MYO7A: variants seen among roughly 807,000 people sequenced by gnomAD.
MYO7A encodes myosin VIIA.
MYO7A carries 210 observed loss-of-function variants against 263.8 expected under a neutral mutation model. The observed-to-expected ratio is 0.80, with a 90% CI of 0.71 to 0.89. The LOEUF (loss-of-function observed/expected upper bound fraction) is 0.89. MYO7A is among the 40% of genes least tolerant of loss of function. The pLI, the probability that MYO7A is intolerant of heterozygous loss-of-function variation, is 0.00. For synonymous variants in MYO7A, 1,239 were observed against 1,197.3 expected (o/e 1.03, Z -0.72); for missense variants, 2,820 against 2,968.3 (o/e 0.95, Z 1.16).
chr11:77,206,099 ACGGGTCC>A lies in MYO7A; in HGVS notation c.5643_5649del (p.Arg1883ThrfsTer85). 6.2e-7 allele frequency: 1 copy of A among 1,610,632 alleles called. No individual in the cohort carries two copies. The highest frequency in any genetic ancestry group is 8.5e-7 in the Non-Finnish European group (1 of 1,178,640). Reference sequence around the variant, plus strand: ...TGCTGCCCCTGCTGCCTTTTCAGAAACGGGTCCCGGAAGTACCCTCCGCACCTGGTGG... The same window carrying A: ...TGCTGCCCCTGCTGCCTTTTCAGAAACGGAAGTACCCTCCGCACCTGGTGG... On this transcript the variant is annotated frameshift_variant, in exon 41 of 49. Transcript: ENST00000409709. LOFTEE classifies it high-confidence loss of function.
intron 46 of MYO7A, chr11:77,212,701 T>C: frequency 1.8e-6 from 1 of 564,692 alleles, no homozygotes; most frequent in South Asian, 2.1e-5. Flanking sequence ...GGAGGCTTTT[T>C]AAAGATGGGA....
chr11:77,141,839 G>T (rs1951228977), intron 2 of MYO7A, among the ~76,000 whole-genome samples: 1 of 152,142 alleles, frequency 6.6e-6, no homozygotes, highest in Admixed American at 6.5e-5. Flanking sequence ...TCCACCATTG[G>T]CTTGTTTGTT....
intron 40 of MYO7A, among the ~76,000 whole-genome samples, 191 bp downstream of exon 40, chr11:77,205,808 C>T (rs989158794): frequency 2.0e-5 from 3 of 152,118 alleles, no homozygotes; most frequent in Non-Finnish European, 2.9e-5. Context: ...TCCGGCTGCT[C>T]GGGAGTGCTC....
At chr11:77,168,650 C>G (rs190260655) in intron 15 of MYO7A, among the ~76,000 whole-genome samples, 85 of 152,244 alleles carry the variant, frequency 5.6e-4, no homozygotes, top group African/African-American at 1.9e-3. Flanking sequence ...TTAAAATTAG[C>G]TGAACATGGG....
At chr11:77,211,745 T>C (rs147171777) in intron 45 of MYO7A, 76 bp from the exon 46 acceptor site, 256 of 1,171,460 alleles carry the variant, frequency 2.2e-4, no homozygotes, top group Non-Finnish European at 3.0e-4. Context: ...GGGAGGACTC[T>C]GAGCTCTGAG....
In MYO7A at chr11:77,160,619, G is replaced by A. The variant is rs143034758; in HGVS notation, c.1200+337G>A. On this transcript the variant is annotated intron_variant, in intron 11 of 48. Transcript: ENST00000409709. ...TACAACCACACGTTTGCCATTCATC[G>A]AGCCTTCACCCACCACACCAGGCCC... Among the ~76,000 whole-genome samples, 92 of 152,190 alleles carry A rather than the reference G, an allele frequency of 6.0e-4. No individual in the cohort carries two copies. The East Asian group carries it at 0.017, about 28-fold the overall frequency.
At chr11:77,166,379 C>T (rs1953546998) in intron 15 of MYO7A, among the ~76,000 whole-genome samples, 1 of 152,150 alleles carries the variant, frequency 6.6e-6, no homozygotes, top group African/African-American at 2.4e-5. Flanking sequence ...GGGTGCAAGG[C>T]CCAGAGAAGG....
At chr11:77,128,782 T>G (rs1286637963) in intron 1 of MYO7A, among the ~76,000 whole-genome samples, 1 of 152,174 alleles carries the variant, frequency 6.6e-6, no homozygotes, top group Non-Finnish European at 1.5e-5. Flanking sequence ...GGAATAGACA[T>G]GCTGTGGTGG....
Position 77,199,660 on chromosome 11 carries a change from C to T in MYO7A, c.4694C>T (p.Thr1565Met), listed in dbSNP as rs764915160. Residue 1565 changes from threonine (T) to methionine (M), a missense_variant, in exon 35 of 49, where the codon ACG becomes ATG. Transcript: ENST00000409709. Reference protein sequence around the residue: ...SPCWSCRGAKTTAPSFTLATI... With the variant: ...SPCWSCRGAKMTAPSFTLATI... ...TGTTGGTCCTGCAGGGGAGCGAAAACGACGGCCCCCAGCTTCACGCTGGCC... is the reference window on the plus strand; with the variant it reads ...TGTTGGTCCTGCAGGGGAGCGAAAATGACGGCCCCCAGCTTCACGCTGGCC... 80 of 1,612,816 alleles carry T rather than the reference C, an allele frequency of 5.0e-5. No individual in the cohort carries two copies. In the Admixed American group the frequency reaches 1.2e-3, roughly 24 times the overall value.
chr11:77,208,780 G>A lies in MYO7A; in HGVS notation c.6028G>A (p.Asp2010Asn), dbSNP rs755934966. 16 of 1,570,436 alleles carry A rather than the reference G, an allele frequency of 1.0e-5. No homozygotes were observed. The African/African-American group carries it at 1.4e-4, about 13-fold the overall frequency. ...GGTGCCAGGGAAGGATCCCATGGCCGATTCCATCTTCCACTATTACCAGGT... is the reference window on the plus strand; with the variant it reads ...GGTGCCAGGGAAGGATCCCATGGCCAATTCCATCTTCCACTATTACCAGGT... The part of the protein sequence containing the change: ...TTVPGKDPMA[D>N]SIFHYYQELP... Residue 2010 changes from aspartate (D) to asparagine (N), a missense_variant, in exon 44 of 49, where the codon GAT becomes AAT. Physicochemically the swap from Asp to Asn is conservative, Grantham distance 23 (BLOSUM62 1). Coordinates refer to ENST00000409709, the MANE Select transcript of MYO7A (RefSeq NM_000260.4).
rs771842044 is a variant in MYO7A at position 77,201,473 on chromosome 11, C to G, written c.4878C>G (p.Ser1626Arg). The G allele has an allele frequency of 6.2e-6, 10 of 1,613,942 alleles. No homozygotes were observed. In the South Asian group the frequency reaches 1.1e-4, roughly 18 times the overall value. ...NPAGEESGFL[S>R]FAKGDLIILD... Reference sequence around the variant, plus strand: ...CAGGCGAGGAGTCAGGCTTCCTCAGCTTTGCCAAGGGAGACCTCATCATCC... The same window carrying G: ...CAGGCGAGGAGTCAGGCTTCCTCAGGTTTGCCAAGGGAGACCTCATCATCC... Residue 1626 changes from serine to arginine, a missense_variant, in exon 36 of 49, where the codon AGC (serine) becomes AGG (arginine). By Grantham distance (110) the Ser-to-Arg change is moderately radical. Coordinates refer to ENST00000409709, the MANE Select transcript of MYO7A (RefSeq NM_000260.4).
chr11:77,158,406 C>T lies in MYO7A; in HGVS notation c.979C>T (p.His327Tyr). The T allele has an allele frequency of 1.9e-6, 3 of 1,612,530 alleles. No individual in the cohort carries two copies. Among genetic ancestry groups the T allele is most frequent in the Non-Finnish European group, 2.5e-6 (3 of 1,179,734 alleles). ...EISKLLAAIL[H>Y]LGNLQYEART... ...CTCGAAGCTCCTGGCTGCCATCCTG[C>T]ACCTGGGCAACCTGCAGTATGAGGG... Residue 327 changes from histidine to tyrosine, a missense_variant, in exon 9 of 49, where the codon CAC (histidine) becomes TAC (tyrosine). His to Tyr is a moderately conservative substitution (Grantham distance 83). Coordinates refer to ENST00000409709, the MANE Select transcript of MYO7A (RefSeq NM_000260.4).
At chr11:77,167,196 CT>C (rs1236247136) in intron 15 of MYO7A, among the ~76,000 whole-genome samples, 1 of 152,094 alleles carries the variant, frequency 6.6e-6, no homozygotes, top group Non-Finnish European at 1.5e-5. Flanking sequence ...GCAGGCATTT[CT>C]TTCTTCAAGG....
At chr11:77,160,309 C>T (rs1262904290) in intron 11 of MYO7A, 27 bp downstream of exon 11, 6 of 1,545,674 alleles carry the variant, frequency 3.9e-6, no homozygotes, top group Non-Finnish European at 5.2e-6. Flanking sequence ...GGGCCGCTTG[C>T]TCGCCCTACC....
Position 77,147,963 on chromosome 11 carries a change from C to T in MYO7A, c.285+13C>T, listed in dbSNP as rs541466560. Reference sequence around the variant, plus strand: ...CCACCTCATCTACGTGAGTGCCGCCCCGCCCGGTGCCCGTCCAGGCCCCCT... The same window carrying T: ...CCACCTCATCTACGTGAGTGCCGCCTCGCCCGGTGCCCGTCCAGGCCCCCT... On this transcript the variant is annotated intron_variant, in intron 4 of 48. Coordinates refer to ENST00000409709, the MANE Select transcript of MYO7A (RefSeq NM_000260.4). 3 of 1,532,758 alleles carry T rather than the reference C, an allele frequency of 2.0e-6. No individual in the cohort carries two copies. The highest frequency in any genetic ancestry group is 1.4e-5 in the African/African-American group (1 of 72,646). 94.9% of individuals were successfully genotyped at this position (1,532,758 alleles called of 1,614,324 possible). A position where few individuals can be genotyped will look rare whatever the true frequency, so the allele number is the denominator to read the frequency against.
intron 15 of MYO7A, among the ~76,000 whole-genome samples, chr11:77,167,997 A>T (rs1953716874): frequency 1.3e-5 from 2 of 152,156 alleles, no homozygotes; most frequent in South Asian, 4.1e-4. Context: ...CCCACCCGAA[A>T]GCCCTGTGCT....
Position 77,208,702 on chromosome 11 carries a change from G to T in MYO7A, c.5950G>T (p.Val1984Leu), listed in dbSNP as rs377517717. 7 of 1,582,108 alleles carry T rather than the reference G, an allele frequency of 4.4e-6. No individual in the cohort carries two copies. The highest frequency in any genetic ancestry group is 1.8e-5 in the Admixed American group (1 of 55,618). The change falls in exon 44 of 49, where the codon GTG becomes TTG. Residue 1984 changes from valine (V) to leucine (L), a missense_variant. Transcript: ENST00000409709. ...CCGACTGCCCTGTGCTGCAGGAATT[G>T]TGCCCTCACTCACCTACCAGGTGTT... ...KKARPIKDGI[V>L]PSLTYQVFFM...
At chr11:77,151,447 G>A (rs1322473666) in intron 4 of MYO7A, among the ~76,000 whole-genome samples, 3 of 152,138 alleles carry the variant, frequency 2.0e-5, no homozygotes, top group Non-Finnish European at 2.9e-5. Context: ...TCCATGGCCC[G>A]CTAAATGCTA....
At chr11:77,165,579 C>T (rs1953458882) in intron 14 of MYO7A, among the ~76,000 whole-genome samples, 1 of 152,204 alleles carries the variant, frequency 6.6e-6, no homozygotes. Flanking sequence ...AGGAGGTAAT[C>T]CCTACCTGTC....
Sources: gnomAD v4.1 joint callset for allele counts (sites outside exome capture counted in the v4.1 genomes callset) on GRCh38, gnomAD v4.1.1 for gene constraint, MANE v1.5 for transcripts, NCBI Gene and HGNC (gene_info 2026-07-23, HGNC 2026-07-21) for gene names.